Variants in CSMD1 observed in about 807,000 individuals in gnomAD.
CSMD1 encodes the protein CUB and Sushi multiple domains 1.
In CSMD1, 213 loss-of-function variants were observed where a neutral mutation model predicts 417.5. The ratio of observed to expected loss-of-function variants is 0.51; its 90% CI spans 0.46 to 0.57. CSMD1 has a LOEUF of 0.57. CSMD1 is among the 20% of genes least tolerant of loss of function. CSMD1 has a pLI of 0.00. For missense variants in CSMD1, 6,923 were observed against 4,529.7 expected (o/e 1.53, Z -15.17); for synonymous variants, 2,862 against 1,736.8 (o/e 1.65, Z -16.11).
Position 3,946,495 on chromosome 8 carries a change from T to C in CSMD1, c.818+51408A>G, listed in dbSNP as rs1418840884. Among the ~76,000 whole-genome samples, 11 of 152,176 alleles carry C rather than the reference T, an allele frequency of 7.2e-5. No individual in the cohort carries two copies. The South Asian group carries it at 1.2e-3, about 17-fold the overall frequency. ...CTCCCACTTTGTTCTTTTTAAATCA[T>C]ATTGACTATTCTAGGCCCTTGGCAA... On this transcript the variant is annotated intron_variant, in intron 5 of 69. Coordinates refer to ENST00000635120, the MANE Select transcript of CSMD1 (RefSeq NM_033225.6).
intron 52 of CSMD1, among the ~76,000 whole-genome samples, chr8:3,011,006 G>C (rs4875860): frequency 0.19 from 29,540 of 151,960 alleles, 3,114 homozygotes; most frequent in Non-Finnish European, 0.23. Context: ...GATTACAGGC[G>C]TGAGCCACCG....
At chr8:4,399,988 T>G (rs1444232475) in intron 3 of CSMD1, among the ~76,000 whole-genome samples, 4 of 152,290 alleles carry the variant, frequency 2.6e-5, no homozygotes, top group African/African-American at 9.6e-5. Context: ...TGATAAGCCT[T>G]TCTTTCCAAG....
At chr8:3,194,630 T>G (rs1428347234) in intron 33 of CSMD1, among the ~76,000 whole-genome samples, 1 of 150,480 alleles carries the variant, frequency 6.6e-6, no homozygotes, top group East Asian at 2.0e-4. Flanking sequence ...GCTAATAATT[T>G]TTTTTTTTTT....
chr8:4,430,260 T>C (rs1563164954), intron 2 of CSMD1, among the ~76,000 whole-genome samples: 1 of 152,146 alleles, frequency 6.6e-6, no homozygotes, highest in African/African-American at 2.4e-5. Context: ...AGAAATTTTC[T>C]AAAATCACAT....
intron 3 of CSMD1, among the ~76,000 whole-genome samples, chr8:4,130,529 A>G: frequency 6.6e-6 from 1 of 152,138 alleles, no homozygotes. Context: ...GTTTTGCATT[A>G]GGATTCTTCT....
chr8:4,908,984 T>C (rs542185905), intron 1 of CSMD1, among the ~76,000 whole-genome samples: 21 of 152,348 alleles, frequency 1.4e-4, no homozygotes, highest in Middle Eastern at 3.4e-3. Context: ...CCGTGCTTTT[T>C]CTCGTTTTCT....
At chr8:4,017,203 G>GT (rs1796565693) in intron 4 of CSMD1, among the ~76,000 whole-genome samples, 1 of 152,124 alleles carries the variant, frequency 6.6e-6, no homozygotes, top group Non-Finnish European at 1.5e-5. Context: ...TTTTTTTAAA[G>GT]TTTTTTCTAC....
At chr8:3,052,673 G>T in intron 49 of CSMD1, 26 bp from the exon 50 acceptor site, 3 of 1,484,352 alleles carry the variant, frequency 2.0e-6, no homozygotes, top group Non-Finnish European at 2.7e-6. Context: ...ACAAATGTAG[G>T]CTTATTCTTA....
intron 18 of CSMD1, among the ~76,000 whole-genome samples, chr8:3,383,665 G>A (rs1406126244): frequency 6.6e-6 from 1 of 152,020 alleles, no homozygotes; most frequent in South Asian, 2.1e-4. Context: ...CTTACAATGT[G>A]TAGATCGAAG....
At chr8:3,812,113 T>G (rs1306052122) in intron 5 of CSMD1, among the ~76,000 whole-genome samples, 1 of 152,190 alleles carries the variant, frequency 6.6e-6, no homozygotes, top group Non-Finnish European at 1.5e-5. Flanking sequence ...ATAATTTCCT[T>G]AAACGGGTGT....
chr8:4,019,222 C>G (rs983988774), intron 4 of CSMD1, among the ~76,000 whole-genome samples: 1 of 152,148 alleles, frequency 6.6e-6, no homozygotes, highest in Non-Finnish European at 1.5e-5. Context: ...GAGAGAGGCT[C>G]CTGGCTGAGT....
chr8:3,728,782 T>C (rs926798216), intron 6 of CSMD1, among the ~76,000 whole-genome samples: 2 of 152,214 alleles, frequency 1.3e-5, no homozygotes, highest in Non-Finnish European at 2.9e-5. Context: ...AAATGTCAAA[T>C]ATGAGGTTTA....
At chr8:4,854,458 G>C (rs930912015) in intron 1 of CSMD1, among the ~76,000 whole-genome samples, 13 of 152,194 alleles carry the variant, frequency 8.5e-5, no homozygotes, top group Admixed American at 3.3e-4. Context: ...CCCACTGTGA[G>C]CGACGCAGAA....
At chr8:4,673,673 C>G (rs1295897792) in intron 1 of CSMD1, among the ~76,000 whole-genome samples, 1 of 152,126 alleles carries the variant, frequency 6.6e-6, no homozygotes, top group South Asian at 2.1e-4. Context: ...TCTGCTAATG[C>G]TTCCTCAACA....
chr8:4,186,241 A>G (rs1798669036), intron 3 of CSMD1, among the ~76,000 whole-genome samples: 2 of 152,072 alleles, frequency 1.3e-5, no homozygotes, highest in Admixed American at 6.5e-5. Context: ...GTGTTGCCAT[A>G]CTCACTGCAG....
intron 3 of CSMD1, among the ~76,000 whole-genome samples, chr8:4,154,285 A>G (rs1286370028): frequency 1.3e-5 from 2 of 148,270 alleles, no homozygotes; most frequent in Non-Finnish European, 3.0e-5. Context: ...AAATAAATAA[A>G]TAAGATGTTT....
At chr8:3,010,555 T>C (rs1248093831) in intron 52 of CSMD1, among the ~76,000 whole-genome samples, 1 of 152,098 alleles carries the variant, frequency 6.6e-6, no homozygotes, top group Non-Finnish European at 1.5e-5. Flanking sequence ...ATCTATGCTG[T>C]TGCCACCAGG....
intron 33 of CSMD1, among the ~76,000 whole-genome samples, chr8:3,198,588 C>G (rs535958542): frequency 5.9e-5 from 9 of 152,278 alleles, no homozygotes; most frequent in African/African-American, 2.2e-4. Context: ...TCTTTGTCTC[C>G]TGATTAACTG....
chr8:4,904,971 C>G (rs1805142295), intron 1 of CSMD1, among the ~76,000 whole-genome samples: 1 of 152,154 alleles, frequency 6.6e-6, no homozygotes, highest in Non-Finnish European at 1.5e-5. Context: ...CCGCTTCAAC[C>G]AACATAGTAC....
Sources: gnomAD v4.1 joint callset for allele counts (sites outside exome capture counted in the v4.1 genomes callset) on GRCh38, gnomAD v4.1.1 for gene constraint, MANE v1.5 for transcripts, NCBI Gene and HGNC (gene_info 2026-07-23, HGNC 2026-07-21) for gene names.